The following RALYL variants were observed in gnomAD, a reference collection of about 807,000 sequenced individuals.
The protein encoded by RALYL is RNA-binding Raly-like protein.
In RALYL, 29 loss-of-function variants were observed where a neutral mutation model predicts 35.1. The observed-to-expected ratio is 0.83, with a 90% CI of 0.61 to 1.13. RALYL has a LOEUF of 1.13. Among genes scored for constraint, RALYL ranks in the 50% most tolerant of loss-of-function variants. RALYL has a pLI of 0.00. For synonymous variants in RALYL, 120 were observed against 127.6 expected (o/e 0.94, Z 0.40); for missense variants, 359 against 360.4 (o/e 1.00, Z 0.03).
intron 1 of RALYL, among the ~76,000 whole-genome samples, chr8:84,218,878 G>A (rs1056583575): frequency 6.6e-6 from 1 of 152,082 alleles, no homozygotes; most frequent in African/African-American, 2.4e-5. Flanking sequence ...ATAATACACA[G>A]AAGGGGTGCT....
intron 1 of RALYL, among the ~76,000 whole-genome samples, chr8:84,469,585 GCTGT>G (rs942503678): frequency 6.6e-6 from 1 of 152,168 alleles, no homozygotes; most frequent in African/African-American, 2.4e-5. Flanking sequence ...AGAGGTTACT[GCTGT>G]CTTTTTGTTT....
intron 2 of RALYL, among the ~76,000 whole-genome samples, chr8:84,705,248 A>T (rs1005218422): frequency 2.4e-4 from 37 of 152,108 alleles, no homozygotes; most frequent in African/African-American, 8.9e-4. Flanking sequence ...TCAGATAGGG[A>T]TATGCCCCAA....
rs1041934122 is a variant in RALYL, at chr8:84,613,881, T to TATATATATATAA, written c.256+84305_256+84306insTATATATATAAA. Among the ~76,000 whole-genome samples, 8 of 148,644 alleles carry TATATATATATAA rather than the reference T, an allele frequency of 5.4e-5. 1 individual carries two copies. The highest frequency in any genetic ancestry group is 2.0e-4 in the African/African-American group (8 of 40,224). The stretch of plus-strand genomic sequence containing the variant: ...AGATTTATATATATATATATATATA[T>TATATATATATAA]AATACACAAATCTTGCCATTTATAT... On this transcript the variant is annotated intron_variant, in intron 2 of 8. Coordinates refer to ENST00000521268, the MANE Select transcript of RALYL (RefSeq NM_173848.7).
At chr8:84,455,469 GT>G (rs1176567203) in intron 1 of RALYL, among the ~76,000 whole-genome samples, 3 of 151,966 alleles carry the variant, frequency 2.0e-5, no homozygotes, top group Non-Finnish European at 4.4e-5. Flanking sequence ...AAAGTACTGA[GT>G]TTTTGCTGAA....
intron 2 of RALYL, among the ~76,000 whole-genome samples, chr8:84,632,462 G>A (rs1452607084): frequency 6.6e-6 from 1 of 151,844 alleles, no homozygotes; most frequent in Non-Finnish European, 1.5e-5. Flanking sequence ...TAAAAGCAGT[G>A]TTGCACCATG....
chr8:84,382,955 T>C (rs1858334274), intron 1 of RALYL, among the ~76,000 whole-genome samples: 1 of 151,826 alleles, frequency 6.6e-6, no homozygotes, highest in Non-Finnish European at 1.5e-5. Context: ...GTTTTCTTCA[T>C]AGTAATAAAC....
intron 2 of RALYL, among the ~76,000 whole-genome samples, chr8:84,606,856 T>C (rs1283536640): frequency 1.3e-5 from 2 of 152,160 alleles, no homozygotes; most frequent in East Asian, 1.9e-4. Flanking sequence ...AAGCTCAGTG[T>C]AGTGTAGAGG....
At chr8:84,712,734 T>C (rs1023222751) in intron 2 of RALYL, among the ~76,000 whole-genome samples, 1 of 152,202 alleles carries the variant, frequency 6.6e-6, no homozygotes, top group Non-Finnish European at 1.5e-5. Context: ...GTATACTTTA[T>C]CACTTCAAAA....
At chr8:84,326,975 G>T (rs1845922472) in intron 1 of RALYL, among the ~76,000 whole-genome samples, 1 of 152,186 alleles carries the variant, frequency 6.6e-6, no homozygotes, top group Non-Finnish European at 1.5e-5. Context: ...GGGGCAACTA[G>T]CTGTCTCTGC....
chr8:84,213,082 A>T (rs1819900501), intron 1 of RALYL, among the ~76,000 whole-genome samples: 1 of 152,142 alleles, frequency 6.6e-6, no homozygotes, highest in South Asian at 2.1e-4. Context: ...TAACTGTCTT[A>T]CTTACTGTAT....
intron 2 of RALYL, among the ~76,000 whole-genome samples, chr8:84,546,074 G>A (rs1286863649): frequency 6.6e-6 from 1 of 152,110 alleles, no homozygotes; most frequent in Non-Finnish European, 1.5e-5. Flanking sequence ...ATGTGAGAAG[G>A]AGGAAGTGGC....
rs568081582 is a variant in RALYL, at chr8:84,411,992, G to T, written c.-23-117307G>T. ...TAGTACAGTAAAGAAGAAGAAGTAT[G>T]ATAATATACACAAAATGCGTAGAAC... On this transcript the variant is annotated intron_variant, in intron 1 of 8. Transcript: ENST00000521268. 3.3e-5 allele frequency among the ~76,000 whole-genome samples: 5 copies of T among 151,948 alleles called. No homozygotes were observed. In the East Asian group the frequency reaches 9.6e-4, roughly 29 times the overall value.
chr8:84,268,615 A>G (rs767538662), intron 1 of RALYL, among the ~76,000 whole-genome samples: 4 of 152,228 alleles, frequency 2.6e-5, no homozygotes, highest in Admixed American at 1.3e-4. Flanking sequence ...GCGGAACTAC[A>G]TTATAGTATA....
At chr8:84,532,034 G>A (rs2059309476) in intron 2 of RALYL, among the ~76,000 whole-genome samples, 1 of 152,028 alleles carries the variant, frequency 6.6e-6, no homozygotes, top group South Asian at 2.1e-4. Flanking sequence ...AATCTTTAGA[G>A]CATATATCCT....
At chr8:84,284,808 C>T (rs1395503050) in intron 1 of RALYL, among the ~76,000 whole-genome samples, 7 of 152,174 alleles carry the variant, frequency 4.6e-5, no homozygotes, top group Non-Finnish European at 1.0e-4. Flanking sequence ...CTCTTTCTAA[C>T]TAGTATTTTT....
intron 1 of RALYL, among the ~76,000 whole-genome samples, chr8:84,497,831 C>G (rs545649343): frequency 2.6e-5 from 4 of 151,278 alleles, no homozygotes; most frequent in South Asian, 2.1e-4. Flanking sequence ...TTAGTAGAGA[C>G]GGGGTTTCAC....
intron 1 of RALYL, among the ~76,000 whole-genome samples, chr8:84,201,095 C>G (rs7843237): frequency 2.0e-5 from 3 of 151,904 alleles, no homozygotes; most frequent in African/African-American, 7.3e-5. Flanking sequence ...GTATCTTATT[C>G]TCTATTAAAT....
chr8:84,749,444 A>T (rs936126771), intron 2 of RALYL, among the ~76,000 whole-genome samples: 1 of 152,188 alleles, frequency 6.6e-6, no homozygotes, highest in South Asian at 2.1e-4. Flanking sequence ...CACCTACTAC[A>T]TGCTGAGAAT....
At chr8:84,434,769 C>T (rs1306111887) in intron 1 of RALYL, among the ~76,000 whole-genome samples, 1 of 151,926 alleles carries the variant, frequency 6.6e-6, no homozygotes, top group African/African-American at 2.4e-5. Context: ...CTCAGCCTCC[C>T]GAGTAGCTGA....
Sources: gnomAD v4.1 joint callset for allele counts (sites outside exome capture counted in the v4.1 genomes callset) on GRCh38, gnomAD v4.1.1 for gene constraint, MANE v1.5 for transcripts, NCBI Gene and HGNC (gene_info 2026-07-23, HGNC 2026-07-21) for gene names.